Variants in ITGAV observed in about 807,000 individuals in gnomAD.
ITGAV encodes integrin subunit alpha V.
Under a neutral mutation model 143.8 loss-of-function variants are expected in ITGAV, and 76 were observed. That is an observed-to-expected ratio of 0.53 (90% CI 0.44 to 0.64). The LOEUF (loss-of-function observed/expected upper bound fraction) is 0.64, where lower values mean the gene tolerates loss of function less well. Among genes scored for constraint, ITGAV ranks in the 30% least tolerant of loss-of-function variants. The pLI is 0.00. For synonymous variants in ITGAV, 453 were observed against 446.7 expected (o/e 1.01, Z -0.18); for missense variants, 1,193 against 1,274.7 (o/e 0.94, Z 0.98).
intron 25 of ITGAV, 40 bp from the exon 26 acceptor site, chr2:186,669,660 CA>C: frequency 1.5e-6 from 2 of 1,362,176 alleles, no homozygotes; most frequent in South Asian, 2.5e-5. Context: ...AAATGTTTTT[CA>C]TTATCATTTA....
Position 186,638,395 on chromosome 2 carries a change from T to C in ITGAV, c.847-14T>C. The C allele has an allele frequency of 6.2e-7, 1 of 1,610,468 alleles. No individual in the cohort carries two copies. The highest frequency in any genetic ancestry group is 8.5e-7 in the Non-Finnish European group (1 of 1,176,932). On this transcript the variant is annotated splice_polypyrimidine_tract_variant and intron_variant, in intron 9 of 29. Coordinates refer to ENST00000261023, the MANE Select transcript of ITGAV (RefSeq NM_002210.5). ...TTTTACCAGATTTCACATACTTCTA[T>C]TTTTCCTTCACAGGTTTATATTTAT...
At chr2:186,632,398 T>C (rs1406571402) in intron 5 of ITGAV, among the ~76,000 whole-genome samples, 1 of 148,308 alleles carries the variant, frequency 6.7e-6, no homozygotes, top group East Asian at 2.2e-4. Context: ...GGGTGTCTTT[T>C]TAGGGCAGAT....
At chr2:186,660,344 A>G (rs1292293735) in intron 18 of ITGAV, 1 of 151,754 alleles carries the variant, frequency 6.6e-6, no homozygotes, top group Non-Finnish European at 1.5e-5. Flanking sequence ...TTTCCCACCT[A>G]TTCTCATTCT....
At chr2:186,676,678 G>T in intron 28 of ITGAV, 135 bp from the exon 29 acceptor site, 1 of 938,196 alleles carries the variant, frequency 1.1e-6, no homozygotes, top group Non-Finnish European at 1.5e-6. Context: ...TATCAAATGT[G>T]AAACCACTAA....
intron 11 of ITGAV, 147 bp from the exon 12 acceptor site, chr2:186,641,239 T>A (rs915602683): frequency 1.9e-5 from 12 of 643,516 alleles, no homozygotes; most frequent in Admixed American, 1.5e-4. Context: ...GTTTCAAATT[T>A]GAAATGAGTG....
intron 26 of ITGAV, among the ~76,000 whole-genome samples, chr2:186,670,455 C>G (rs188257336): frequency 6.6e-6 from 1 of 152,114 alleles, no homozygotes; most frequent in African/African-American, 2.4e-5. Context: ...CGCTCTCCCC[C>G]ATGCCCAGCT....
chr2:186,638,571 A>G, intron 10 of ITGAV, 106 bp downstream of exon 10: 2 of 788,966 alleles, frequency 2.5e-6, no homozygotes, highest in Non-Finnish European at 2.1e-6. Context: ...AATCTCATCA[A>G]ATAGATAATT....
At chr2:186,666,995 T>A (rs1318570947) in intron 22 of ITGAV, among the ~76,000 whole-genome samples, 155 bp from the exon 23 acceptor site, 2 of 152,208 alleles carry the variant, frequency 1.3e-5, no homozygotes, top group Admixed American at 1.3e-4. Context: ...AAAATGTTCA[T>A]CTTCTTGGAA....
intron 26 of ITGAV, among the ~76,000 whole-genome samples, chr2:186,674,202 C>A (rs1449683208): frequency 6.6e-6 from 1 of 152,176 alleles, no homozygotes; most frequent in Non-Finnish European, 1.5e-5. Context: ...TCTTGAACTA[C>A]TGGCCTCAAG....
chr2:186,616,020 G>T (rs1687347695), intron 2 of ITGAV, among the ~76,000 whole-genome samples: 2 of 151,816 alleles, frequency 1.3e-5, no homozygotes, highest in Admixed American at 1.3e-4. Flanking sequence ...TTGCATATGG[G>T]TATCTAGTTG....
At chr2:186,637,037 T>C in intron 7 of ITGAV, 28 bp from the exon 8 acceptor site, 1 of 1,604,606 alleles carries the variant, frequency 6.2e-7, no homozygotes, top group Non-Finnish European at 8.5e-7. Context: ...CTTGTCCTGA[T>C]GGTTCTCCCC....
At chr2:186,632,615 A>G (rs888553070) in intron 5 of ITGAV, among the ~76,000 whole-genome samples, 3 of 152,148 alleles carry the variant, frequency 2.0e-5, no homozygotes, top group Non-Finnish European at 4.4e-5. Context: ...CATAATTTGT[A>G]TATGTATAAT....
At chr2:186,633,214 G>A (rs1687861923) in intron 5 of ITGAV, 115 bp from the exon 6 acceptor site, 1 of 460,268 alleles carries the variant, frequency 2.2e-6, no homozygotes, top group East Asian at 3.7e-5. Flanking sequence ...ATACAATACT[G>A]TATTGTTCAG....
intron 28 of ITGAV, 68 bp downstream of exon 28, chr2:186,675,995 G>T (rs1171892888): frequency 6.4e-5 from 56 of 881,240 alleles, no homozygotes; most frequent in African/African-American, 5.1e-5. Flanking sequence ...TTTTTATTTT[G>T]TTTTTTAAAG....
At chr2:186,600,945 G>A (rs1305274417) in intron 1 of ITGAV, among the ~76,000 whole-genome samples, 2 of 148,220 alleles carry the variant, frequency 1.3e-5, no homozygotes, top group Non-Finnish European at 3.0e-5. Flanking sequence ...GGTGGCAAGA[G>A]CAAGACTCTG....
At chr2:186,606,016 G>T (rs533815118) in intron 2 of ITGAV, among the ~76,000 whole-genome samples, 1 of 151,916 alleles carries the variant, frequency 6.6e-6, no homozygotes, top group East Asian at 1.9e-4. Flanking sequence ...TATTCAAATG[G>T]TGTTTATTTG....
chr2:186,653,587 A>G (rs1227254083), intron 15 of ITGAV, among the ~76,000 whole-genome samples: 1 of 152,224 alleles, frequency 6.6e-6, no homozygotes, highest in African/African-American at 2.4e-5. Flanking sequence ...ATTGGATTAC[A>G]TTTAAAAATT....
At position 186,646,733 on chromosome 2, in the gene ITGAV, G is replaced by A. The variant is rs569411702; in HGVS notation, c.1207G>A (p.Val403Ile). Residue 403 changes from valine to isoleucine, a missense_variant, in exon 13 of 30, where the codon GTT becomes ATT. Transcript: ENST00000261023. ...PYGGEDKKGIVYIFNGRSTGL... is the reference protein window; with the variant it reads ...PYGGEDKKGIIYIFNGRSTGL... Reference sequence around the variant, plus strand: ...TGGGGGTGAAGATAAAAAAGGAATTGTTTATATCTTCAATGGAAGATCAAC... The same window carrying A: ...TGGGGGTGAAGATAAAAAAGGAATTATTTATATCTTCAATGGAAGATCAAC... 130 of 1,608,332 alleles carry A rather than the reference G, an allele frequency of 8.1e-5. 1 individual carries two copies. The South Asian group carries it at 9.0e-4, about 11-fold the overall frequency.
intron 4 of ITGAV, among the ~76,000 whole-genome samples, chr2:186,627,236 A>G (rs1574475911): frequency 1.3e-5 from 2 of 152,182 alleles, no homozygotes; most frequent in Admixed American, 1.3e-4. Context: ...AGTAGCTGCT[A>G]TGACCTACTT....
Sources: allele counts gnomAD v4.1 joint callset (sites outside exome capture counted in the v4.1 genomes callset), GRCh38; gene constraint gnomAD v4.1.1; transcripts MANE v1.5; gene names NCBI Gene and HGNC (gene_info 2026-07-23, HGNC 2026-07-21).